TRABD2B: variants seen among roughly 807,000 people sequenced by gnomAD.
The protein encoded by TRABD2B is TraB domain containing 2B, also known as metalloprotease TIKI2.
In TRABD2B, 14 loss-of-function variants were observed where a neutral mutation model predicts 40.1. The observed-to-expected ratio is 0.35, with a 90% CI of 0.23 to 0.55. TRABD2B has a LOEUF of 0.55. TRABD2B is among the 20% of genes least tolerant of loss of function. The pLI is 0.90. For synonymous variants in TRABD2B, 263 were observed against 277.0 expected, an observed-to-expected ratio of 0.95 and a Z score of 0.50; for missense variants, 541 against 648.6, an observed-to-expected ratio of 0.83 and a Z score of 1.80.
At chr1:47,955,548 C>G (rs896813554) in intron 2 of TRABD2B, among the ~76,000 whole-genome samples, 4 of 152,226 alleles carry the variant, frequency 2.6e-5, no homozygotes, top group African/African-American at 9.6e-5. Flanking sequence ...CTGACCATCA[C>G]TTCATTCCAA....
intron 2 of TRABD2B, chr1:47,819,188 G>A (rs1337717478): frequency 6.6e-6 from 1 of 152,292 alleles, no homozygotes; most frequent in East Asian, 1.9e-4. Flanking sequence ...GGCTCACAGG[G>A]ACAGGATTCC....
At position 47,760,752 on chromosome 1, in the gene TRABD2B, C is replaced by A; in HGVS notation, c.*5150G>T. On this transcript the variant is annotated 3_prime_UTR_variant, in exon 7 of 7. Coordinates refer to ENST00000606738, the MANE Select transcript of TRABD2B (RefSeq NM_001194986.2). The stretch of plus-strand genomic sequence containing the variant: ...CACAGTGAATCAACTCGGGGACAAG[C>A]TCTGTGAGGCTCAAGAATGGGGCAG... 1 of 152,272 alleles carries A rather than the reference C, an allele frequency of 6.6e-6. No individual in the cohort carries two copies. The allele number at this position is 152,272 out of a possible 1,614,324, so 9.4% of individuals were successfully genotyped here. A position where few individuals can be genotyped will look rare whatever the true frequency, so the allele number is the denominator to read the frequency against.
chr1:47,905,688 C>G (rs1055229109), intron 2 of TRABD2B, among the ~76,000 whole-genome samples: 4 of 152,194 alleles, frequency 2.6e-5, no homozygotes, highest in Non-Finnish European at 5.9e-5. Context: ...GTCTATCTCT[C>G]TGCCTCCTTC....
chr1:47,820,680 A>T (rs1645093789), intron 2 of TRABD2B, among the ~76,000 whole-genome samples: 2 of 151,876 alleles, frequency 1.3e-5, no homozygotes, highest in South Asian at 2.1e-4. Flanking sequence ...TCAAGGGCCC[A>T]CTTTCCCCTG....
In TRABD2B at chr1:47,997,080, C is replaced by G. The variant is rs1646104735; in HGVS notation, c.-291G>C. 1 of 983,884 alleles carries G rather than the reference C, an allele frequency of 1.0e-6. No individual in the cohort carries two copies. The highest frequency in any genetic ancestry group is 1.2e-6 in the Non-Finnish European group (1 of 829,166). The allele number at this position is 983,884 out of a possible 1,614,324, so 60.9% of individuals were successfully genotyped here. On this transcript the variant is annotated 5_prime_UTR_variant, in exon 1 of 7. Transcript: ENST00000606738. ...GAGGGCGTGTTGGGGTCCGGGGGCG[C>G]GCGGGGTCCCGGAGCTGCGTCGCGG...
In TRABD2B at chr1:47,801,558, T is replaced by G. The variant is rs1375939201; in HGVS notation, c.728A>C (p.Gln243Pro). 2.6e-6 allele frequency: 4 copies of G among 1,535,926 alleles called. No individual in the cohort carries two copies. The African/African-American group carries it at 5.5e-5, about 21-fold the overall frequency. The change falls in exon 3 of 7, where the codon CAG (glutamine) becomes CCG (proline). Residue 243 changes from glutamine (Q) to proline (P), a missense_variant. Transcript: ENST00000606738. ...GAGGTCCTCCGTGGTGTAGGAGGCC[T>G]GCAGGCTCCCGGCCCGCACACTCTC... ...QQESVRAGSLQASYTTEDLIK... is the reference protein window; with the variant it reads ...QQESVRAGSLPASYTTEDLIK...
chr1:47,765,804 C>A lies in TRABD2B; in HGVS notation c.*98G>T, dbSNP rs867086027. 1.4e-6 allele frequency: 1 copy of A among 702,140 alleles called. No individual in the cohort carries two copies. The highest frequency in any genetic ancestry group is 1.5e-5 in the South Asian group (1 of 67,166). The allele number at this position is 702,140 out of a possible 1,614,324, so 43.5% of individuals were successfully genotyped here. On this transcript the variant is annotated 3_prime_UTR_variant, in exon 7 of 7. Coordinates refer to ENST00000606738, the MANE Select transcript of TRABD2B (RefSeq NM_001194986.2). ...CCAATCCCATGTGGACTGCCCTCGA[C>A]GTGTTGGGCACCCCCTGGAGGTGGT...
intron 2 of TRABD2B, among the ~76,000 whole-genome samples, chr1:47,900,907 A>G (rs1313963727): frequency 1.3e-5 from 2 of 152,202 alleles, no homozygotes; most frequent in African/African-American, 2.4e-5. Flanking sequence ...CAAAGAAAGC[A>G]GAAAGGGCTG....
At chr1:47,904,580 G>A (rs1179088711) in intron 2 of TRABD2B, among the ~76,000 whole-genome samples, 1 of 151,994 alleles carries the variant, frequency 6.6e-6, no homozygotes, top group Non-Finnish European at 1.5e-5. Context: ...AAAGCCCCAG[G>A]GTCCTGGGGC....
intron 2 of TRABD2B, among the ~76,000 whole-genome samples, chr1:47,847,760 C>T (rs532986130): frequency 5.9e-5 from 9 of 152,300 alleles, no homozygotes; most frequent in Admixed American, 2.0e-4. Flanking sequence ...CAAAATCATA[C>T]GAAAGAAATT....
chr1:47,924,080 A>C (rs1644940106), intron 2 of TRABD2B, among the ~76,000 whole-genome samples: 1 of 152,074 alleles, frequency 6.6e-6, no homozygotes, highest in Non-Finnish European at 1.5e-5. Flanking sequence ...TCAAAGGGGC[A>C]GCTGTAGAGC....
intron 5 of TRABD2B, among the ~76,000 whole-genome samples, chr1:47,776,207 C>T (rs1471482939): frequency 6.6e-6 from 1 of 152,014 alleles, no homozygotes; most frequent in Non-Finnish European, 1.5e-5. Context: ...TTCATACATT[C>T]AATACACATT....
rs55649435 is a variant in TRABD2B at position 47,990,771 on chromosome 1, T to TTATATA, written c.666+3257_666+3262dup. 3.3e-4 allele frequency among the ~76,000 whole-genome samples: 12 copies of TTATATA among 36,576 alleles called. 1 individual carries two copies. Among genetic ancestry groups the TTATATA allele is most frequent in the Non-Finnish European group, 4.1e-4 (8 of 19,388 alleles). The allele number at this position is 36,576 out of a possible 152,430, so 24.0% of individuals were successfully genotyped here. A position where few individuals can be genotyped will look rare whatever the true frequency, so the allele number is the denominator to read the frequency against. ...AGTTGTTGGTTTTAAAACGTTGGTT[T>TTATATA]TATATATATATATATATATATATAT... On this transcript the variant is annotated intron_variant, in intron 2 of 6. Coordinates refer to ENST00000606738, the MANE Select transcript of TRABD2B (RefSeq NM_001194986.2).
intron 2 of TRABD2B, among the ~76,000 whole-genome samples, chr1:47,962,128 C>T (rs1411548589): frequency 6.6e-6 from 1 of 151,922 alleles, no homozygotes; most frequent in African/African-American, 2.4e-5. Flanking sequence ...AAGCCAAACA[C>T]CACATGTTCT....
intron 2 of TRABD2B, among the ~76,000 whole-genome samples, chr1:47,812,685 C>T (rs1215674445): frequency 1.3e-5 from 2 of 152,176 alleles, no homozygotes; most frequent in African/African-American, 4.8e-5. Context: ...TACCACTATA[C>T]TGCAGCCTGG....
chr1:47,895,462 C>A (rs1440182686), intron 2 of TRABD2B, among the ~76,000 whole-genome samples: 1 of 152,110 alleles, frequency 6.6e-6, no homozygotes, highest in Admixed American at 6.5e-5. Context: ...CCCACTGCCC[C>A]CCTCCCACCA....
chr1:47,972,589 C>T lies in TRABD2B; in HGVS notation c.666+21445G>A, dbSNP rs190817455. Among the ~76,000 whole-genome samples the T allele has an allele frequency of 1.1e-3, 165 of 152,276 alleles. 1 individual carries two copies. The highest frequency in any genetic ancestry group is 3.8e-3 in the African/African-American group (156 of 41,534). On this transcript the variant is annotated intron_variant, in intron 2 of 6. Coordinates refer to ENST00000606738, the MANE Select transcript of TRABD2B (RefSeq NM_001194986.2). ...GGCAGTCTTGCAATCTGAAAGAAGA[C>T]CCTTACCAGAACCCGAACATGCTGG...
At position 47,889,459 on chromosome 1, in the gene TRABD2B, T is replaced by C. The variant is rs77120297; in HGVS notation, c.667-87840A>G. 4.7e-3 allele frequency among the ~76,000 whole-genome samples: 716 copies of C among 152,360 alleles called. 9 individuals carry two copies. The East Asian group carries it at 0.072, about 15-fold the overall frequency. ...TCATGTCACATTGTTCATGTGTTCATGTCACATTGATGACAGATACCTGAA... is the reference window on the plus strand; with the variant it reads ...TCATGTCACATTGTTCATGTGTTCACGTCACATTGATGACAGATACCTGAA... On this transcript the variant is annotated intron_variant, in intron 2 of 6. Coordinates refer to ENST00000606738, the MANE Select transcript of TRABD2B (RefSeq NM_001194986.2).
intron 2 of TRABD2B, among the ~76,000 whole-genome samples, chr1:47,948,621 C>T (rs575637419): frequency 1.4e-4 from 22 of 152,268 alleles, no homozygotes; most frequent in African/African-American, 4.3e-4. Flanking sequence ...AAATGCAGCT[C>T]CAAGACCTCA....
Sources: gnomAD v4.1 joint callset for allele counts (sites outside exome capture counted in the v4.1 genomes callset) on GRCh38, gnomAD v4.1.1 for gene constraint, MANE v1.5 for transcripts, NCBI Gene and HGNC (gene_info 2026-07-23, HGNC 2026-07-21) for gene names.